DPYD: variants seen among roughly 807,000 people sequenced by gnomAD.
DPYD encodes dihydropyrimidine dehydrogenase.
In DPYD, 109 loss-of-function variants were observed where a neutral mutation model predicts 116.2. The ratio of observed to expected loss-of-function variants is 0.94; its 90% CI spans 0.80 to 1.10. DPYD has a LOEUF of 1.10. DPYD is among the 50% of genes least tolerant of loss of function. The pLI, the probability that DPYD is intolerant of heterozygous loss-of-function variation, is 0.00. For synonymous variants in DPYD, 440 were observed against 432.0 expected, an observed-to-expected ratio of 1.02 and a Z score of -0.23; for missense variants, 1,302 against 1,254.5, an observed-to-expected ratio of 1.04 and a Z score of -0.57.
intron 13 of DPYD, among the ~76,000 whole-genome samples, chr1:97,491,565 G>A (rs1319648172): frequency 6.6e-6 from 1 of 151,932 alleles, no homozygotes; most frequent in Non-Finnish European, 1.5e-5. Context: ...AAAAGCACTG[G>A]CTCTGCAATT....
At position 97,573,751 on chromosome 1, in the gene DPYD, G is replaced by A. The variant is rs966546170; in HGVS notation, c.1339+9C>T. On this transcript the variant is annotated intron_variant, in intron 11 of 22. Coordinates refer to ENST00000370192, the MANE Select transcript of DPYD (RefSeq NM_000110.4). ...ATTGCATCACACATTTCAGCTCCCA[G>A]CACTGTACCTTTAGGATCACTCAGA... 3.7e-6 allele frequency: 6 copies of A among 1,613,188 alleles called. No individual in the cohort carries two copies. Among genetic ancestry groups the A allele is most frequent in the Admixed American group, 1.7e-5 (1 of 59,938 alleles).
chr1:97,098,344 C>T (rs1008027136), intron 21 of DPYD, 145 bp downstream of exon 21: 24 of 949,074 alleles, frequency 2.5e-5, no homozygotes, highest in Non-Finnish European at 3.6e-5. Context: ...ATGCAGTTTT[C>T]ACCATGGACA....
At chr1:97,428,503 T>C (rs1674998924) in intron 14 of DPYD, among the ~76,000 whole-genome samples, 2 of 151,974 alleles carry the variant, frequency 1.3e-5, no homozygotes, top group South Asian at 4.1e-4. Flanking sequence ...ATGGAAGCAA[T>C]AGAGGCAGGA....
chr1:97,743,046 T>C (rs1664354651), intron 3 of DPYD, among the ~76,000 whole-genome samples: 1 of 152,112 alleles, frequency 6.6e-6, no homozygotes, highest in Admixed American at 6.6e-5. Flanking sequence ...TGCAGTGTAT[T>C]TTTCTGTTCT....
intron 3 of DPYD, among the ~76,000 whole-genome samples, chr1:97,773,476 G>C (rs1400581267): frequency 6.6e-6 from 1 of 152,174 alleles, no homozygotes; most frequent in African/African-American, 2.4e-5. Flanking sequence ...AGTGAGAACA[G>C]CACTCCTATT....
chr1:97,908,266 G>A (rs1461635941), intron 1 of DPYD, among the ~76,000 whole-genome samples: 3 of 151,872 alleles, frequency 2.0e-5, no homozygotes, highest in Non-Finnish European at 4.4e-5. Flanking sequence ...GGCTGGTCTT[G>A]AACTCCTGAG....
intron 8 of DPYD, among the ~76,000 whole-genome samples, chr1:97,637,516 C>G (rs1657640913): frequency 6.6e-6 from 1 of 151,478 alleles, no homozygotes; most frequent in South Asian, 2.1e-4. Context: ...CTCAACAACA[C>G]AAAATACCCT....
intron 20 of DPYD, among the ~76,000 whole-genome samples, chr1:97,191,963 T>C (rs766207914): frequency 6.6e-6 from 1 of 152,188 alleles, no homozygotes; most frequent in Non-Finnish European, 1.5e-5. Context: ...ATTATAAATA[T>C]TAATGTCACA....
chr1:97,140,395 C>G (rs995676626), intron 20 of DPYD, among the ~76,000 whole-genome samples: 2 of 151,964 alleles, frequency 1.3e-5, no homozygotes, highest in Non-Finnish European at 2.9e-5. Flanking sequence ...GGTGAAATGC[C>G]GAAGCATAGG....
intron 3 of DPYD, among the ~76,000 whole-genome samples, chr1:97,812,957 A>G (rs188364618): frequency 1.3e-5 from 2 of 152,254 alleles, no homozygotes; most frequent in African/African-American, 4.8e-5. Context: ...AAAAAATTTC[A>G]GATGAACAGA....
chr1:97,821,425 C>T (rs1043303992), intron 3 of DPYD, among the ~76,000 whole-genome samples: 7 of 150,764 alleles, frequency 4.6e-5, no homozygotes, highest in Non-Finnish European at 7.4e-5. Context: ...AAAATAGGTA[C>T]AGAATATGAT....
intron 5 of DPYD, among the ~76,000 whole-genome samples, chr1:97,710,711 C>T (rs182055337): frequency 2.7e-5 from 4 of 150,652 alleles, no homozygotes; most frequent in African/African-American, 9.8e-5. Flanking sequence ...ATGTCCTAGA[C>T]ACCAGTATGA....
chr1:97,284,915 T>C (rs1352281801), intron 18 of DPYD, among the ~76,000 whole-genome samples: 1 of 152,232 alleles, frequency 6.6e-6, no homozygotes, highest in Non-Finnish European at 1.5e-5. Context: ...CGTATTTTCC[T>C]ATCCATTCTG....
At chr1:97,356,667 C>A (rs1670444008) in intron 16 of DPYD, among the ~76,000 whole-genome samples, 1 of 152,150 alleles carries the variant, frequency 6.6e-6, no homozygotes, top group Non-Finnish European at 1.5e-5. Flanking sequence ...TTACATTTAC[C>A]TCTTTAATCC....
chr1:97,336,105 A>G (rs574029077), intron 16 of DPYD, among the ~76,000 whole-genome samples: 2 of 152,320 alleles, frequency 1.3e-5, no homozygotes, highest in South Asian at 4.1e-4. Flanking sequence ...AAAAGCAACA[A>G]TGTGACAGTG....
chr1:97,379,894 A>G (rs899431927), intron 15 of DPYD, among the ~76,000 whole-genome samples: 1 of 152,172 alleles, frequency 6.6e-6, no homozygotes, highest in African/African-American at 2.4e-5. Flanking sequence ...ATGATGTGCT[A>G]TTCCCTGTCC....
intron 13 of DPYD, among the ~76,000 whole-genome samples, chr1:97,491,888 C>A (rs535347957): frequency 3.3e-5 from 5 of 152,028 alleles, no homozygotes; most frequent in Admixed American, 6.5e-5. Flanking sequence ...AACCAACTTC[C>A]GGGGTAGCAC....
intron 14 of DPYD, among the ~76,000 whole-genome samples, chr1:97,416,092 A>G (rs1674275998): frequency 6.6e-6 from 1 of 152,168 alleles, no homozygotes; most frequent in Non-Finnish European, 1.5e-5. Flanking sequence ...ATGCTTAAGA[A>G]CCATTGATGT....
At chr1:97,695,374 G>C (rs558972407) in intron 6 of DPYD, among the ~76,000 whole-genome samples, 2 of 147,464 alleles carry the variant, frequency 1.4e-5, no homozygotes, top group East Asian at 2.0e-4. Context: ...TCTATTCTGA[G>C]TATCTAGTAT....
Sources: allele counts gnomAD v4.1 joint callset (sites outside exome capture counted in the v4.1 genomes callset), GRCh38; gene constraint gnomAD v4.1.1; transcripts MANE v1.5; gene names NCBI Gene and HGNC (gene_info 2026-07-23, HGNC 2026-07-21).